Variants in RAB7B observed in about 807,000 individuals in gnomAD.
RAB7B encodes RAB7B, member RAS oncogene family.
intron 3 of RAB7B, 107 bp from the exon 4 acceptor site, chr1:205,992,802 G>A (rs891455475): frequency 1.0e-5 from 4 of 397,554 alleles, no homozygotes; most frequent in South Asian, 1.4e-4. Context: ...GGAGCAGCAG[G>A]CCCTGGTACA....
At chr1:206,000,380 G>A (rs1660872020) in intron 1 of RAB7B, among the ~76,000 whole-genome samples, 2 of 152,202 alleles carry the variant, frequency 1.3e-5, no homozygotes, top group Admixed American at 1.3e-4. Context: ...AAAGCAATTT[G>A]AGCGTGATTT....
At chr1:205,984,408 G>C (rs1019635684) in intron 5 of RAB7B, among the ~76,000 whole-genome samples, 4 of 152,178 alleles carry the variant, frequency 2.6e-5, no homozygotes, top group Admixed American at 2.6e-4. Context: ...CATGAGGGCG[G>C]CGGATGCTTC....
At position 205,978,932 on chromosome 1, in the gene RAB7B, G is replaced by C. The variant is rs2102629717; in HGVS notation, c.523-4C>G. On this transcript the variant is annotated splice_region_variant and splice_polypyrimidine_tract_variant and intron_variant, in intron 5 of 5. Coordinates refer to ENST00000617070, the MANE Select transcript of RAB7B (RefSeq NM_001164522.3). ...GATTTTCTAAGATGCTCTGGTACTG[G>C]GGAAGGAAAGAGAGGCCGGCATTCA... 2.5e-6 allele frequency: 1 copy of C among 398,806 alleles called. No individual in the cohort carries two copies. The highest frequency in any genetic ancestry group is 4.4e-6 in the Non-Finnish European group (1 of 226,242). 24.7% of individuals were successfully genotyped at this position (398,806 alleles called of 1,614,324 possible).
intron 4 of RAB7B, among the ~76,000 whole-genome samples, chr1:205,991,416 G>C (rs1266480791): frequency 6.6e-6 from 1 of 152,228 alleles, no homozygotes; most frequent in South Asian, 2.1e-4. Context: ...ATGACTCGTA[G>C]ATCTCTATTT....
chr1:205,979,813 G>A (rs1256946970), intron 5 of RAB7B, among the ~76,000 whole-genome samples: 1 of 152,220 alleles, frequency 6.6e-6, no homozygotes, highest in African/African-American at 2.4e-5. Flanking sequence ...AGCATCCTGT[G>A]TATCACGCAA....
chr1:205,983,826 A>G (rs1406616818), intron 5 of RAB7B: 1 of 152,236 alleles, frequency 6.6e-6, no homozygotes, highest in South Asian at 2.1e-4. Context: ...TACTAACAGC[A>G]CCATGTCATA....
intron 4 of RAB7B, among the ~76,000 whole-genome samples, chr1:205,990,349 G>A (rs961893189): frequency 5.3e-5 from 8 of 152,196 alleles, no homozygotes; most frequent in Non-Finnish European, 7.3e-5. Context: ...GAGGAGAGTC[G>A]TTAATGTACA....
chr1:205,987,538 A>C (rs1007685072), intron 4 of RAB7B, among the ~76,000 whole-genome samples: 4 of 152,240 alleles, frequency 2.6e-5, no homozygotes, highest in Non-Finnish European at 5.9e-5. Flanking sequence ...CAAGTGCTAA[A>C]ATTAGTATTA....
chr1:205,979,550 C>A (rs944478658), intron 5 of RAB7B, among the ~76,000 whole-genome samples: 16 of 152,142 alleles, frequency 1.1e-4, no homozygotes, highest in South Asian at 4.1e-4. Context: ...GCCTGCCCCC[C>A]CTCCCCAGTT....
intron 1 of RAB7B, among the ~76,000 whole-genome samples, chr1:205,997,312 A>T (rs1305285410): frequency 2.0e-5 from 3 of 152,208 alleles, no homozygotes; most frequent in African/African-American, 7.2e-5. Context: ...ATGACACCAG[A>T]GAGAAAGTAC....
chr1:205,988,309 G>T (rs1170637528), intron 4 of RAB7B, among the ~76,000 whole-genome samples: 1 of 145,286 alleles, frequency 6.9e-6, no homozygotes, highest in African/African-American at 2.5e-5. Context: ...GCTCACTGCA[G>T]CCTCTCCCTC....
At chr1:205,979,863 G>A (rs1355618141) in intron 5 of RAB7B, among the ~76,000 whole-genome samples, 1 of 152,114 alleles carries the variant, frequency 6.6e-6, no homozygotes, top group Non-Finnish European at 1.5e-5. Context: ...CCTTCTCAGG[G>A]GGCAACTTCC....
chr1:205,996,089 T>C (rs1660808581), intron 1 of RAB7B, among the ~76,000 whole-genome samples: 1 of 130,458 alleles, frequency 7.7e-6, no homozygotes, highest in East Asian at 2.0e-4. Context: ...AATACATTCT[T>C]TTTTTTTTTT....
chr1:205,980,786 G>A (rs1411394861), intron 5 of RAB7B, among the ~76,000 whole-genome samples: 1 of 151,932 alleles, frequency 6.6e-6, no homozygotes, highest in African/African-American at 2.4e-5. Context: ...GCCCCAGCAG[G>A]GATGGTATTG....
chr1:205,979,137 A>G (rs1207756527), intron 5 of RAB7B, among the ~76,000 whole-genome samples: 1 of 152,028 alleles, frequency 6.6e-6, no homozygotes, highest in Non-Finnish European at 1.5e-5. Context: ...AGGAGCCCAG[A>G]GCAGGTCAGT....
intron 1 of RAB7B, among the ~76,000 whole-genome samples, chr1:205,996,494 T>A (rs1425307107): frequency 6.6e-6 from 1 of 152,166 alleles, no homozygotes; most frequent in African/African-American, 2.4e-5. Flanking sequence ...AACTGGAGAA[T>A]GAGCCAGCTG....
intron 5 of RAB7B, chr1:205,983,779 G>A (rs1660540755): frequency 6.9e-6 from 1 of 145,424 alleles, no homozygotes; most frequent in Admixed American, 6.8e-5. Flanking sequence ...CCAAGAAAGG[G>A]TGTTATAAAA....
Position 205,977,626 on chromosome 1 carries a change from C to A in RAB7B, c.*1225G>T, listed in dbSNP as rs1660407826. 1 of 152,156 alleles carries A rather than the reference C, an allele frequency of 6.6e-6. No homozygotes were observed. The highest frequency in any genetic ancestry group is 6.5e-5 in the Admixed American group (1 of 15,268). 9.4% of individuals were successfully genotyped at this position (152,156 alleles called of 1,614,324 possible). On this transcript the variant is annotated 3_prime_UTR_variant, in exon 6 of 6. Coordinates refer to ENST00000617070, the MANE Select transcript of RAB7B (RefSeq NM_001164522.3). The stretch of plus-strand genomic sequence containing the variant: ...TAGGAGCCACCCAAGGGAGCTGGGT[C>A]CCCTTTGCTTTGTCTTTGGGACAGC...
At chr1:205,985,417 C>T (rs922842341) in intron 5 of RAB7B, 123 bp downstream of exon 5, 15 of 396,688 alleles carry the variant, frequency 3.8e-5, no homozygotes, top group Admixed American at 1.3e-4. Flanking sequence ...TTAACTGAGA[C>T]GATGAGCAAT....
Sources: gnomAD v4.1 joint callset for allele counts (sites outside exome capture counted in the v4.1 genomes callset) on GRCh38, gnomAD v4.1.1 for gene constraint, MANE v1.5 for transcripts, NCBI Gene and HGNC (gene_info 2026-07-23, HGNC 2026-07-21) for gene names.